PURG: variants seen among roughly 807,000 people sequenced by gnomAD.
The protein encoded by PURG is purine rich element binding protein G.
Under a neutral mutation model 24.3 loss-of-function variants are expected in PURG, and 3 were observed. The ratio of observed to expected loss-of-function variants is 0.12; its 90% CI spans 0.06 to 0.32. The LOEUF (loss-of-function observed/expected upper bound fraction) is 0.32. Among genes scored for constraint, PURG ranks in the 10% least tolerant of loss-of-function variants. The pLI is 1.00. For missense variants in PURG, 371 were observed against 439.1 expected (o/e 0.84, Z 1.39); for synonymous variants, 180 against 173.1 (o/e 1.04, Z -0.31).
At chr8:30,997,703 T>A (rs903644863) in intron 1 of PURG, among the ~76,000 whole-genome samples, 4 of 151,776 alleles carry the variant, frequency 2.6e-5, no homozygotes, top group African/African-American at 9.7e-5. Flanking sequence ...TGAAATAATT[T>A]TCTGTTGAAA....
rs142127650 is a variant in PURG at position 31,005,539 on chromosome 8, C to T, written c.865-8842G>A. 7.0e-3 allele frequency among the ~76,000 whole-genome samples: 1,064 copies of T among 151,930 alleles called. 8 individuals are homozygous for T. Among genetic ancestry groups the T allele is most frequent in the African/African-American group, 0.024 (1,010 of 41,484 alleles). On this transcript the variant is annotated intron_variant, in intron 1 of 1. Transcript: ENST00000339382. ...TAATCTGTGGTGATAGACATCTGATCAGTGGTTGCTTTTGGAAGTCAGGGT... is the reference window on the plus strand; with the variant it reads ...TAATCTGTGGTGATAGACATCTGATTAGTGGTTGCTTTTGGAAGTCAGGGT...
intron 1 of PURG, among the ~76,000 whole-genome samples, chr8:31,020,041 C>T (rs961093299): frequency 6.6e-6 from 1 of 151,848 alleles, no homozygotes; most frequent in Non-Finnish European, 1.5e-5. Flanking sequence ...CGTGGTGGCA[C>T]GCGCCTGTAA....
At chr8:31,012,479 A>G (rs1464458171) in intron 1 of PURG, among the ~76,000 whole-genome samples, 3 of 152,268 alleles carry the variant, frequency 2.0e-5, no homozygotes, top group East Asian at 1.9e-4. Context: ...TAAAGTGGCC[A>G]TAACTAAATA....
chr8:31,015,136 T>C (rs984585217), intron 1 of PURG, among the ~76,000 whole-genome samples: 2 of 152,138 alleles, frequency 1.3e-5, no homozygotes, highest in African/African-American at 4.8e-5. Flanking sequence ...GAGAAGAAAG[T>C]GTAATGGTAG....
chr8:31,019,714 G>C (rs1008299464), intron 1 of PURG, among the ~76,000 whole-genome samples: 5 of 150,416 alleles, frequency 3.3e-5, no homozygotes, highest in Admixed American at 2.0e-4. Flanking sequence ...TGTATTTTTA[G>C]TAGAGATGGG....
rs112947451 is a variant in PURG, at chr8:31,016,382, A to C, written c.864+15537T>G. On this transcript the variant is annotated intron_variant, in intron 1 of 1. Coordinates refer to the PURG transcript ENST00000339382. ...GCAACAGAGTGAGACTCTGTCTCAAAAATAAATAAATAAATAGATAAATAA... is the reference window on the plus strand; with the variant it reads ...GCAACAGAGTGAGACTCTGTCTCAACAATAAATAAATAAATAGATAAATAA... 8.9e-3 allele frequency among the ~76,000 whole-genome samples: 1,357 copies of C among 151,812 alleles called. 21 individuals are homozygous for C. The highest frequency in any genetic ancestry group is 0.031 in the African/African-American group (1,294 of 41,398).
At chr8:31,010,129 T>C (rs1810737273) in intron 1 of PURG, among the ~76,000 whole-genome samples, 1 of 152,058 alleles carries the variant, frequency 6.6e-6, no homozygotes, top group African/African-American at 2.4e-5. Flanking sequence ...TAATAAAAAA[T>C]GGAATGCAGG....
chr8:31,029,794 C>T (rs1406572853), downstream of PURG, among the ~76,000 whole-genome samples: 2 of 151,842 alleles, frequency 1.3e-5, no homozygotes, highest in Non-Finnish European at 3.0e-5. Flanking sequence ...CCTTCATAGA[C>T]CAAAAACTAC....
intron 1 of PURG, among the ~76,000 whole-genome samples, chr8:31,008,164 G>C (rs1395420715): frequency 6.6e-6 from 1 of 152,180 alleles, no homozygotes; most frequent in Non-Finnish European, 1.5e-5. Flanking sequence ...TTTGAACTTT[G>C]CATAATGTTG....
chr8:31,019,829 C>A (rs748294668), intron 1 of PURG, among the ~76,000 whole-genome samples: 22 of 150,484 alleles, frequency 1.5e-4, no homozygotes, highest in Non-Finnish European at 3.1e-4. Flanking sequence ...CCATGTCTGG[C>A]CCAATATCTC....
intron 1 of PURG, among the ~76,000 whole-genome samples, chr8:31,019,948 A>C (rs1585363592): frequency 6.6e-6 from 1 of 151,708 alleles, no homozygotes; most frequent in Non-Finnish European, 1.5e-5. Context: ...AGGCGGGTGG[A>C]TCACCTGAGG....
Position 31,032,146 on chromosome 8 carries a change from C to T in PURG, c.637G>A (p.Gly213Ser). Reference sequence around the variant, plus strand: ...GTCTGTTCTTGGCCCAAACTGTGGCCAAAATAACCTATCATGCCAGTCCCC... The same window carrying T: ...GTCTGTTCTTGGCCCAAACTGTGGCTAAAATAACCTATCATGCCAGTCCCC... ...MRGTGMIGYF[G>S]HSLGQEQTIV... The change falls in exon 2 of 2, where the codon GGC (glycine) becomes AGC (serine). Residue 213 changes from glycine to serine, a missense_variant. Gly to Ser is a moderately conservative substitution (Grantham distance 56, BLOSUM62 0). Around this residue, in one of 5 missense-constraint regions of PURG, gnomAD observed 41 missense variants for 29.8 expected, o/e 1.38. Transcript: ENST00000523392. This position sits in a 1 kb window ranked among gnomAD's most constrained non-coding sequence, Gnocchi z 5.9. 1.2e-6 allele frequency: 2 copies of T among 1,614,156 alleles called. No individual in the cohort carries two copies. The highest frequency in any genetic ancestry group is 1.3e-5 in the African/African-American group (1 of 75,032).
At position 31,032,093 on chromosome 8, in the gene PURG, A is replaced by C. The variant is rs1192386294; in HGVS notation, c.690T>G (p.Ile230Met). 6.2e-7 allele frequency: 1 copy of C among 1,614,002 alleles called. No homozygotes were observed. The highest frequency in any genetic ancestry group is 2.2e-5 in the East Asian group (1 of 44,892). ...QTIVLPAQGMIEFRDALVQLI... is the reference protein window; with the variant it reads ...QTIVLPAQGMMEFRDALVQLI... ...GCTGAACCAAGGCATCACGAAACTCAATCATTCCTTGTGCTGGGAGGACAA... is the reference window on the plus strand; with the variant it reads ...GCTGAACCAAGGCATCACGAAACTCCATCATTCCTTGTGCTGGGAGGACAA... The change falls in exon 2 of 2, where the codon ATT (isoleucine) becomes ATG (methionine). Residue 230 changes from isoleucine (I) to methionine (M), a missense_variant. Transcript: ENST00000523392. This position sits in a 1 kb window ranked among gnomAD's most constrained non-coding sequence, Gnocchi z 5.9.
At chr8:31,028,597 A>C (rs956567159), downstream of PURG, among the ~76,000 whole-genome samples, 1 of 151,850 alleles carries the variant, frequency 6.6e-6, no homozygotes, top group Non-Finnish European at 1.5e-5. Context: ...CATGCTCTTT[A>C]GTGCAAATAA....
intron 1 of PURG, among the ~76,000 whole-genome samples, chr8:31,018,597 A>G (rs1810918544): frequency 6.6e-6 from 1 of 152,198 alleles, no homozygotes. Flanking sequence ...AATTTTTAAA[A>G]AAGTTACATT....
intron 1 of PURG, among the ~76,000 whole-genome samples, chr8:31,007,419 G>A (rs117648486): frequency 0.014 from 2,125 of 152,120 alleles, 22 homozygotes; most frequent in South Asian, 0.028. Context: ...CAAATGACCC[G>A]CTAACATACT....
chr8:31,004,965 G>A (rs1016351470), intron 1 of PURG, among the ~76,000 whole-genome samples: 1 of 152,128 alleles, frequency 6.6e-6, no homozygotes, highest in Admixed American at 6.5e-5. Context: ...CAGGTTTGCT[G>A]CCATGATTTT....
At chr8:31,022,972 G>T (rs1811025789) in intron 1 of PURG, among the ~76,000 whole-genome samples, 1 of 152,200 alleles carries the variant, frequency 6.6e-6, no homozygotes, top group South Asian at 2.1e-4. Context: ...GCACGTAGGT[G>T]ACTTCTTTTG....
chr8:30,996,577 A>G lies in PURG; in HGVS notation c.*16T>C, dbSNP rs188910915. On this transcript the variant is annotated 3_prime_UTR_variant, in exon 2 of 2. Coordinates refer to the PURG transcript ENST00000339382. ...GAATGCCTTTATTCTGAGGTGTAACATAAGAGATTTATTCCTTATTCCTCA... is the reference window on the plus strand; with the variant it reads ...GAATGCCTTTATTCTGAGGTGTAACGTAAGAGATTTATTCCTTATTCCTCA... 57 of 1,567,778 alleles carry G rather than the reference A, an allele frequency of 3.6e-5. No individual in the cohort carries two copies. The Admixed American group carries it at 6.3e-4, about 17-fold the overall frequency.
Sources: allele counts gnomAD v4.1 joint callset (sites outside exome capture counted in the v4.1 genomes callset), GRCh38; gene constraint gnomAD v4.1.1; regional missense constraint gnomAD v4.1.1; non-coding constraint Gnocchi (gnomAD v3.1); transcripts MANE v1.5; gene names NCBI Gene and HGNC (gene_info 2026-07-23, HGNC 2026-07-21).